Variants in CRLF2 observed in about 807,000 individuals in gnomAD.
CRLF2 encodes cytokine receptor like factor 2, also known as cytokine receptor-like factor 2.
A neutral mutation model predicts 38.7 loss-of-function variants in CRLF2; 41 were observed. The observed-to-expected ratio is 1.06, with a 90% confidence interval of 0.83 to 1.37. The LOEUF is 1.37. Among genes scored for constraint, CRLF2 ranks in the 40% most tolerant of loss-of-function variants. The probability of loss-of-function intolerance (pLI) is 0.00; values close to 1 mark genes in which losing one functional copy is unlikely to be tolerated. For synonymous variants in CRLF2, 140 were observed against 128.8 expected (o/e 1.09, Z -0.59); for missense variants, 377 against 322.2 (o/e 1.17, Z -1.30).
chrX:1,212,438 AGAAAAG>A, intron 1 of CRLF2, 112 bp downstream of exon 1: 1 of 463,678 alleles, frequency 2.2e-6, no homozygotes, highest in African/African-American at 2.0e-5. Context: ...AAAAAAAAAA[AGAAAAG>A]AAGAAAGAAA....
chrX:1,198,399 C>CCCAG (rs1283055774), intron 5 of CRLF2, among the ~76,000 whole-genome samples, 163 bp downstream of exon 5: 33 of 29,900 alleles, frequency 1.1e-3, no homozygotes, highest in South Asian at 2.9e-3. Context: ...CCTCCCACCT[C>CCCAG]GAAGGCAGGA....
chrX:1,203,735 A>G (rs1291703709), intron 3 of CRLF2, among the ~76,000 whole-genome samples: 6 of 152,268 alleles, frequency 3.9e-5, no homozygotes, highest in Admixed American at 1.3e-4. Flanking sequence ...AGAAATCTCC[A>G]TCTCAGACTC....
Position 1,190,536 on chromosome X carries a change from A to G in CRLF2, c.*361T>C, listed in dbSNP as rs1290403431. On this transcript the variant is annotated 3_prime_UTR_variant, in exon 8 of 8. Transcript: ENST00000400841. ...CCTCCGAGAATCCAATGCTATGGGA[A>G]TGGTACATGGACGGAACTGGGGACT... 173 of 279,176 alleles carry G rather than the reference A, an allele frequency of 6.2e-4. No individual in the cohort carries two copies. The highest frequency in any genetic ancestry group is 1.0e-3 in the Non-Finnish European group (153 of 149,802). 17.3% of individuals were successfully genotyped at this position (279,176 alleles called of 1,614,324 possible).
At position 1,202,126 on chromosome X, in the gene CRLF2, T is replaced by C. The variant is rs190587240; in HGVS notation, c.483+276A>G. ...AGATAGAGGTAGAGATAAAATAGAA[T>C]GATATAGATAGATTGATAGATAGAT... On this transcript the variant is annotated intron_variant, in intron 4 of 7. Transcript: ENST00000400841. Among the ~76,000 whole-genome samples the C allele has an allele frequency of 2.0e-5, 3 of 151,896 alleles. No homozygotes were observed. In the East Asian group the frequency reaches 5.8e-4, roughly 30 times the overall value.
At position 1,212,618 on chromosome X, in the gene CRLF2, A is replaced by C; in HGVS notation, c.17T>G (p.Leu6Arg). MGRLV[L>R]LWGAAVFLLG... ...CAGAAAGACGGCAGCTCCCCACAGCAGAACCAGCCGCCCCATGCCTGAAAC... is the reference window on the plus strand; with the variant it reads ...CAGAAAGACGGCAGCTCCCCACAGCCGAACCAGCCGCCCCATGCCTGAAAC... The change falls in exon 1 of 8, where the codon CTG becomes CGG. Residue 6 changes from leucine (L) to arginine (R), a missense_variant. Leu to Arg is a moderately radical substitution (Grantham distance 102, BLOSUM62 -2). Coordinates refer to ENST00000400841, the MANE Select transcript of CRLF2 (RefSeq NM_022148.4). The C allele has an allele frequency of 6.2e-7, 1 of 1,612,592 alleles. No homozygotes were observed. Among genetic ancestry groups the C allele is most frequent in the African/African-American group, 1.3e-5 (1 of 74,842 alleles).
At chrX:1,205,513 G>T (rs144604290) in intron 3 of CRLF2, among the ~76,000 whole-genome samples, 1 of 151,872 alleles carries the variant, frequency 6.6e-6, no homozygotes, top group Non-Finnish European at 1.5e-5. Flanking sequence ...TTGATCCCGC[G>T]ACTTGCGAGA....
chrX:1,207,318 T>C lies in CRLF2; in HGVS notation c.183-719A>G, dbSNP rs751431839. Among the ~76,000 whole-genome samples, 319 of 142,292 alleles carry C rather than the reference T, an allele frequency of 2.2e-3. 1 individual carries two copies. The highest frequency in any genetic ancestry group is 7.9e-3 in the African/African-American group (301 of 38,198). The allele number at this position is 142,292 out of a possible 152,430, so 93.3% of individuals were successfully genotyped here. A position where few individuals can be genotyped will look rare whatever the true frequency, so the allele number is the denominator to read the frequency against. The stretch of plus-strand genomic sequence containing the variant: ...TTGCCCAGGCTGGAGTGCAATGGCG[T>C]GATCTCGGCCCACTGCAACCTCTGC... On this transcript the variant is annotated intron_variant, in intron 2 of 7. Transcript: ENST00000400841.
intron 6 of CRLF2, among the ~76,000 whole-genome samples, chrX:1,195,829 T>TATTATAC (rs1376932551): frequency 0.01 from 1,456 of 141,078 alleles, 21 homozygotes; most frequent in Middle Eastern, 0.037. Flanking sequence ...ATATATTATA[T>TATTATAC]ATTAAATTAT....
chrX:1,191,782 C>G, intron 7 of CRLF2, among the ~76,000 whole-genome samples: 1 of 151,838 alleles, frequency 6.6e-6, no homozygotes, highest in Middle Eastern at 3.4e-3. Context: ...CCACCCGACT[C>G]GACCTCCCAA....
At chrX:1,191,746 G>A (rs1468470114) in intron 7 of CRLF2, among the ~76,000 whole-genome samples, 7 of 151,466 alleles carry the variant, frequency 4.6e-5, no homozygotes, top group Non-Finnish European at 8.8e-5. Flanking sequence ...GGTCAGGCTG[G>A]ACTCGAACTC....
At chrX:1,192,567 G>T (rs1170641191) in intron 7 of CRLF2, among the ~76,000 whole-genome samples, 1 of 151,992 alleles carries the variant, frequency 6.6e-6, no homozygotes, top group Non-Finnish European at 1.5e-5. Flanking sequence ...AGTGAGCCGA[G>T]ATCAAACCAT....
intron 4 of CRLF2, among the ~76,000 whole-genome samples, chrX:1,200,335 G>C (rs2086580263): frequency 7.2e-6 from 1 of 139,578 alleles, no homozygotes. Context: ...ATATATGTGT[G>C]TATATAAGAT....
intron 6 of CRLF2, among the ~76,000 whole-genome samples, chrX:1,196,218 C>G (rs111163209): frequency 5.7e-5 from 8 of 140,466 alleles, no homozygotes; most frequent in Non-Finnish European, 6.1e-5. Context: ...GACAGAGTCT[C>G]GCTCTGTCGC....
At chrX:1,203,198 G>A (rs1244340375) in intron 3 of CRLF2, among the ~76,000 whole-genome samples, 3 of 151,766 alleles carry the variant, frequency 2.0e-5, no homozygotes, top group African/African-American at 7.3e-5. Flanking sequence ...GAGAAGGAAG[G>A]GTTCTAAATC....
chrX:1,207,648 G>C (rs1180352247), intron 2 of CRLF2, among the ~76,000 whole-genome samples: 1 of 150,052 alleles, frequency 6.7e-6, no homozygotes, highest in Non-Finnish European at 1.5e-5. Context: ...TTCTTTTTGT[G>C]AGGTTTTTGT....
intron 5 of CRLF2, among the ~76,000 whole-genome samples, chrX:1,197,587 G>T (rs181101893): frequency 6.6e-6 from 1 of 151,956 alleles, no homozygotes; most frequent in South Asian, 2.1e-4. Flanking sequence ...AGGCCGAGGC[G>T]GGCGGATCAC....
intron 2 of CRLF2, among the ~76,000 whole-genome samples, chrX:1,207,501 A>ACCC (rs771392925): frequency 2.4e-5 from 2 of 82,686 alleles, no homozygotes; most frequent in East Asian, 4.1e-4. Flanking sequence ...CAGGTGATCC[A>ACCC]CCCCCCCCCC....
At chrX:1,211,119 G>T (rs2086789203) in intron 1 of CRLF2, among the ~76,000 whole-genome samples, 1 of 151,872 alleles carries the variant, frequency 6.6e-6, no homozygotes, top group Non-Finnish European at 1.5e-5. Flanking sequence ...ATGGGTGGGT[G>T]GATGAGTGAG....
intron 3 of CRLF2, among the ~76,000 whole-genome samples, chrX:1,202,928 C>T (rs1182287316): frequency 6.6e-6 from 1 of 151,506 alleles, no homozygotes; most frequent in South Asian, 2.1e-4. Flanking sequence ...GGCCAATATG[C>T]TAAAACCCCG....
Sources: allele counts gnomAD v4.1 joint callset (sites outside exome capture counted in the v4.1 genomes callset), GRCh38; gene constraint gnomAD v4.1.1; transcripts MANE v1.5; gene names NCBI Gene and HGNC (gene_info 2026-07-23, HGNC 2026-07-21).